Variants in ADGRD1 observed in about 807,000 individuals in gnomAD.
ADGRD1 encodes adhesion G protein-coupled receptor D1.
Under a neutral mutation model 113.4 loss-of-function variants are expected in ADGRD1, and 77 were observed. The ratio of observed to expected loss-of-function variants is 0.68; its 90% CI spans 0.57 to 0.82. The LOEUF (loss-of-function observed/expected upper bound fraction) is 0.82. Among genes scored for constraint, ADGRD1 ranks in the 40% least tolerant of loss-of-function variants. ADGRD1 has a pLI of 0.00. For missense variants in ADGRD1, 1,036 were observed against 1,139.1 expected, an observed-to-expected ratio of 0.91 and a Z score of 1.30; for synonymous variants, 474 against 475.0, an observed-to-expected ratio of 1.00 and a Z score of 0.03.
chr12:131,122,648 G>A (rs1230801191), intron 20 of ADGRD1, among the ~76,000 whole-genome samples: 3 of 152,240 alleles, frequency 2.0e-5, no homozygotes, highest in Non-Finnish European at 4.4e-5. Flanking sequence ...AGGGTGGGAA[G>A]GGTAAGTTGT....
rs750887494 is a variant in ADGRD1 at position 131,041,763 on chromosome 12, G to A, written c.1473+27423G>A. 3.5e-4 allele frequency among the ~76,000 whole-genome samples: 53 copies of A among 152,186 alleles called. No individual in the cohort carries two copies. The highest frequency in any genetic ancestry group is 1.0e-3 in the Admixed American group (16 of 15,288). Reference sequence around the variant, plus strand: ...TGTTGCCGCAGCCTCCCCCTGCCTGGCGCCTCTGCCTGCACCCGCCTGGGA... The same window carrying A: ...TGTTGCCGCAGCCTCCCCCTGCCTGACGCCTCTGCCTGCACCCGCCTGGGA... On this transcript the variant is annotated intron_variant, in intron 13 of 24. Coordinates refer to ENST00000261654, the MANE Select transcript of ADGRD1 (RefSeq NM_198827.5). This position sits in a 1 kb window ranked among gnomAD's most constrained non-coding sequence, Gnocchi z 4.4.
intron 3 of ADGRD1, chr12:130,969,380 C>T (rs570435504): frequency 6.4e-6 from 2 of 311,520 alleles, no homozygotes; most frequent in South Asian, 3.9e-5. Flanking sequence ...TGAAGCTTCA[C>T]CTGTATTTAC....
intron 21 of ADGRD1, among the ~76,000 whole-genome samples, chr12:131,133,086 C>T (rs987107646): frequency 6.6e-6 from 1 of 152,112 alleles, no homozygotes; most frequent in Non-Finnish European, 1.5e-5. Context: ...TCAGAGATCA[C>T]GTCCTTTCCT....
Position 131,003,250 on chromosome 12 carries a change from C to T in ADGRD1, c.1092C>T (p.Asn364=), listed in dbSNP as rs769599446. The T allele has an allele frequency of 1.9e-6, 3 of 1,614,100 alleles. No homozygotes were observed. Among genetic ancestry groups the T allele is most frequent in the Non-Finnish European group, 2.5e-6 (3 of 1,180,004 alleles). ...CCGTCATGGGCCATGTATCCTCCAA[C>T]CTGCACGGCAGCACGCCCCAGGTCA... The part of the protein sequence containing the change: ...IDTVMGHVSS[N]LHGSTPQVTV... Residue 364 remains asparagine, a synonymous_variant, in exon 10 of 25, where the codon AAC becomes AAT. Transcript: ENST00000261654. The surrounding 1 kb of genome is among the most constrained non-coding windows in gnomAD (Gnocchi z 4.8).
intron 13 of ADGRD1, among the ~76,000 whole-genome samples, chr12:131,044,890 C>T (rs1374763018): frequency 4.6e-5 from 7 of 152,258 alleles, no homozygotes; most frequent in Non-Finnish European, 7.3e-5. Context: ...GCGCCGTATT[C>T]CACCGCGTGG....
At chr12:131,101,364 T>G (rs975209130) in intron 15 of ADGRD1, among the ~76,000 whole-genome samples, 3 of 95,430 alleles carry the variant, frequency 3.1e-5, no homozygotes. Flanking sequence ...ATTTTTTTTC[T>G]TTTTCTTTCT....
At position 131,003,559 on chromosome 12, in the gene ADGRD1, G is replaced by A. The variant is rs969327034; in HGVS notation, c.1144+257G>A. 6.6e-6 allele frequency among the ~76,000 whole-genome samples: 1 copy of A among 152,210 alleles called. No homozygotes were observed. The highest frequency in any genetic ancestry group is 6.5e-5 in the Admixed American group (1 of 15,288). On this transcript the variant is annotated intron_variant, in intron 10 of 24. Coordinates refer to ENST00000261654, the MANE Select transcript of ADGRD1 (RefSeq NM_198827.5). The surrounding 1 kb of genome is among the most constrained non-coding windows in gnomAD (Gnocchi z 4.8). ...GCTCCTGCCCTGGGATGATGGTCTC[G>A]GTTCAGAGCAGGAGGCAGAAGCAGC...
intron 13 of ADGRD1, among the ~76,000 whole-genome samples, chr12:131,014,611 G>A (rs772465886): frequency 1.3e-5 from 2 of 152,172 alleles, no homozygotes; most frequent in Non-Finnish European, 1.5e-5. Context: ...GAGCGATCAC[G>A]GATCTTCCTC....
At position 131,105,739 on chromosome 12, in the gene ADGRD1, T is replaced by C; in HGVS notation, c.1776-15T>C. 4 of 1,595,858 alleles carry C rather than the reference T, an allele frequency of 2.5e-6. No individual in the cohort carries two copies. The highest frequency in any genetic ancestry group is 2.6e-6 in the Non-Finnish European group (3 of 1,176,432). On this transcript the variant is annotated splice_polypyrimidine_tract_variant and intron_variant, in intron 16 of 24. Transcript: ENST00000261654. ...GGCGCAGGGCCCAGGCCTCACACCC[T>C]GCCTCTGTCCTCAGCTCCGTGAGCA...
At chr12:131,138,783 G>C (rs1951172905) in intron 24 of ADGRD1, among the ~76,000 whole-genome samples, 1 of 152,246 alleles carries the variant, frequency 6.6e-6, no homozygotes, top group Admixed American at 6.5e-5. Flanking sequence ...CTCATGGGCT[G>C]CTCTAGCCCC....
chr12:131,000,487 A>T, intron 9 of ADGRD1, 45 bp downstream of exon 9: 2 of 1,495,444 alleles, frequency 1.3e-6, no homozygotes, highest in Non-Finnish European at 1.9e-6. Context: ...CATACCTATA[A>T]TCCCAGCACT....
intron 2 of ADGRD1, among the ~76,000 whole-genome samples, chr12:130,956,148 C>G (rs1450069029): frequency 6.6e-6 from 1 of 152,202 alleles, no homozygotes. Context: ...TGGGCAGATC[C>G]CAGGGCGATA....
chr12:131,080,939 T>G (rs1886024822), intron 14 of ADGRD1, among the ~76,000 whole-genome samples: 1 of 152,220 alleles, frequency 6.6e-6, no homozygotes, highest in Non-Finnish European at 1.5e-5. Flanking sequence ...GAATTTTTCT[T>G]TAATGAATTT....
chr12:131,020,395 A>G (rs1593054898), intron 13 of ADGRD1, among the ~76,000 whole-genome samples: 1 of 152,236 alleles, frequency 6.6e-6, no homozygotes, highest in Non-Finnish European at 1.5e-5. Context: ...CAGGACCCCA[A>G]GCTCCGGCCA....
Position 130,971,611 on chromosome 12 carries a change from C to T in ADGRD1, c.310+31C>T. The T allele has an allele frequency of 6.4e-7, 1 of 1,574,518 alleles. No individual in the cohort carries two copies. Among genetic ancestry groups the T allele is most frequent in the Non-Finnish European group, 8.6e-7 (1 of 1,160,028 alleles). ...TGGCTGATCCCTGCGGCATCTTTGT[C>T]AAGCATTTCATTCTCAGGGAGCACC... is the stretch of plus-strand genomic sequence containing the variant. On this transcript the variant is annotated intron_variant, in intron 4 of 24. Transcript: ENST00000261654. The surrounding 1 kb of genome is among the most constrained non-coding windows in gnomAD (Gnocchi z 4.2).
At chr12:131,123,992 G>C (rs1268876326) in intron 20 of ADGRD1, among the ~76,000 whole-genome samples, 3 of 152,242 alleles carry the variant, frequency 2.0e-5, no homozygotes, top group African/African-American at 4.8e-5. Flanking sequence ...GAGCCGAATA[G>C]TTGCAACAAA....
chr12:131,115,771 G>A (rs567010582), intron 18 of ADGRD1, among the ~76,000 whole-genome samples: 14 of 152,210 alleles, frequency 9.2e-5, no homozygotes, highest in Non-Finnish European at 1.6e-4. Context: ...GCAGTGGTGG[G>A]AAAGGGGTGA....
chr12:131,136,315 C>T (rs1472690958), intron 22 of ADGRD1, 152 bp downstream of exon 22: 3 of 980,316 alleles, frequency 3.1e-6, no homozygotes, highest in Non-Finnish European at 4.5e-6. Flanking sequence ...AGCCTGAGGA[C>T]TCTCAGAAAG....
intron 15 of ADGRD1, among the ~76,000 whole-genome samples, chr12:131,104,616 C>T (rs574260005): frequency 5.3e-5 from 8 of 152,162 alleles, no homozygotes; most frequent in East Asian, 1.9e-4. Flanking sequence ...TAGGGCACCT[C>T]GGGGCACCGG....
Sources: gnomAD v4.1 joint callset for allele counts (sites outside exome capture counted in the v4.1 genomes callset) on GRCh38, gnomAD v4.1.1 for gene constraint, Gnocchi (gnomAD v3.1) non-coding constraint, MANE v1.5 for transcripts, NCBI Gene and HGNC (gene_info 2026-07-23, HGNC 2026-07-21) for gene names.